GLCCI1: variants seen among roughly 807,000 people sequenced by gnomAD.
GLCCI1 encodes the protein glucocorticoid induced 1.
A neutral mutation model predicts 52.2 loss-of-function variants in GLCCI1; 24 were observed. The observed-to-expected ratio is 0.46, with a 90% confidence interval of 0.33 to 0.65. The LOEUF (loss-of-function observed/expected upper bound fraction) is 0.65. GLCCI1 is among the 30% of genes least tolerant of loss of function. The probability of loss-of-function intolerance (pLI) is 0.02; values close to 1 mark genes in which losing one functional copy is unlikely to be tolerated. For synonymous variants in GLCCI1, 310 were observed against 276.5 expected (o/e 1.12, Z -1.20); for missense variants, 704 against 701.5 (o/e 1.00, Z -0.04).
intron 1 of GLCCI1, among the ~76,000 whole-genome samples, chr7:7,996,846 C>T (rs1265317277): frequency 1.3e-5 from 2 of 152,146 alleles, no homozygotes; most frequent in Non-Finnish European, 2.9e-5. Context: ...TGGTAGGGTT[C>T]CAGGTTTGGT....
chr7:8,061,608 C>T (rs1366393469), intron 5 of GLCCI1, among the ~76,000 whole-genome samples: 1 of 147,018 alleles, frequency 6.8e-6, no homozygotes, highest in Non-Finnish European at 1.5e-5. Flanking sequence ...TATATTACAA[C>T]ATCAAGGAAC....
intron 1 of GLCCI1, among the ~76,000 whole-genome samples, chr7:8,000,620 A>T (rs1360180626): frequency 6.6e-6 from 1 of 152,216 alleles, no homozygotes; most frequent in Non-Finnish European, 1.5e-5. Flanking sequence ...ACACATAAAA[A>T]AATCTTTTAG....
intron 2 of GLCCI1, among the ~76,000 whole-genome samples, chr7:8,014,994 G>A (rs1044028030): frequency 3.9e-5 from 6 of 152,138 alleles, no homozygotes; most frequent in African/African-American, 1.2e-4. Context: ...TCAGTCTATG[G>A]AGTTTTATGA....
chr7:8,058,981 A>G (rs1357943480), intron 4 of GLCCI1, among the ~76,000 whole-genome samples: 3 of 152,240 alleles, frequency 2.0e-5, no homozygotes, highest in African/African-American at 7.2e-5. Context: ...AAGAAAAAAT[A>G]TGTTCAGTGT....
At chr7:8,057,793 G>T (rs1246956814) in intron 4 of GLCCI1, among the ~76,000 whole-genome samples, 1 of 151,896 alleles carries the variant, frequency 6.6e-6, no homozygotes, top group East Asian at 1.9e-4. Flanking sequence ...AGTCCAGTGC[G>T]CTTACACTAG....
At chr7:8,009,337 T>A (rs13223995) in intron 2 of GLCCI1, among the ~76,000 whole-genome samples, 1 of 151,992 alleles carries the variant, frequency 6.6e-6, no homozygotes, top group Non-Finnish European at 1.5e-5. Context: ...TGGACAAATT[T>A]TAAATTCTGT....
At chr7:8,004,680 T>C (rs1285600118) in intron 2 of GLCCI1, among the ~76,000 whole-genome samples, 3 of 152,144 alleles carry the variant, frequency 2.0e-5, no homozygotes, top group Admixed American at 1.3e-4. Flanking sequence ...AGAAGAATAC[T>C]AAAAATATAA....
chr7:8,082,737 C>T (rs1325038761), intron 6 of GLCCI1, among the ~76,000 whole-genome samples: 1 of 152,142 alleles, frequency 6.6e-6, no homozygotes, highest in Non-Finnish European at 1.5e-5. Context: ...GATGCACTTA[C>T]AGCCTCTGAA....
At chr7:7,972,987 C>T (rs1257430001) in intron 1 of GLCCI1, among the ~76,000 whole-genome samples, 8 of 151,826 alleles carry the variant, frequency 5.3e-5, no homozygotes, top group Non-Finnish European at 8.8e-5. Flanking sequence ...TTTAAAACTT[C>T]AAGGTTTGTT....
At chr7:8,021,443 A>G (rs1270908523) in intron 2 of GLCCI1, among the ~76,000 whole-genome samples, 5 of 151,882 alleles carry the variant, frequency 3.3e-5, no homozygotes. Flanking sequence ...ACAGAGTTTC[A>G]CTCTCGTCGC....
chr7:8,027,775 A>G (rs1478875302), intron 3 of GLCCI1, among the ~76,000 whole-genome samples: 4 of 152,236 alleles, frequency 2.6e-5, no homozygotes, highest in African/African-American at 4.8e-5. Context: ...AAAGGATGGA[A>G]AGATATTCCA....
Position 8,060,266 on chromosome 7 carries a change from A to G in GLCCI1, c.966+18A>G, listed in dbSNP as rs762604861. The stretch of plus-strand genomic sequence containing the variant: ...TATCCAAGGTAAGGTTACATGGGAT[A>G]TTTGAATCCTTTTTTTCTCTGATAT... On this transcript the variant is annotated intron_variant, in intron 5 of 7. Transcript: ENST00000223145. 8.8e-6 allele frequency: 14 copies of G among 1,590,522 alleles called. No homozygotes were observed. The highest frequency in any genetic ancestry group is 3.3e-4 in the Middle Eastern group (2 of 5,978).
chr7:8,045,905 C>T (rs1312799575), intron 3 of GLCCI1, among the ~76,000 whole-genome samples: 1 of 150,916 alleles, frequency 6.6e-6, no homozygotes, highest in South Asian at 2.1e-4. Context: ...TAAGAGATAT[C>T]GGACATATTA....
At chr7:8,041,739 C>T (rs1016308073) in intron 3 of GLCCI1, among the ~76,000 whole-genome samples, 4 of 152,082 alleles carry the variant, frequency 2.6e-5, no homozygotes, top group African/African-American at 7.2e-5. Context: ...TACAGGCATA[C>T]ACCACCACAC....
Position 8,086,240 on chromosome 7 carries a change from A to G in GLCCI1, c.1346A>G (p.Asn449Ser). 1 of 1,614,148 alleles carries G rather than the reference A, an allele frequency of 6.2e-7. No individual in the cohort carries two copies. The highest frequency in any genetic ancestry group is 8.5e-7 in the Non-Finnish European group (1 of 1,180,020). ...SAPLFSCPDK[N>S]KVNFIPTGSA... ...CCTCTCTTTTCATGTCCTGACAAAA[A>G]CAAGGTTAATTTCATCCCAACCGGA... Residue 449 changes from asparagine to serine, a missense_variant, in exon 8 of 8, where the codon AAC (asparagine) becomes AGC (serine). Physicochemically the swap from Asn to Ser is conservative, Grantham distance 46. Transcript: ENST00000223145. The surrounding 1 kb of genome is among the most constrained non-coding windows in gnomAD (Gnocchi z 4.4).
chr7:8,018,389 G>A (rs1306888043), intron 2 of GLCCI1, among the ~76,000 whole-genome samples: 1 of 152,052 alleles, frequency 6.6e-6, no homozygotes, highest in African/African-American at 2.4e-5. Flanking sequence ...AAGCATATTG[G>A]CCCTTTCTAG....
chr7:8,032,352 A>G (rs2127952000), intron 3 of GLCCI1, among the ~76,000 whole-genome samples: 1 of 152,194 alleles, frequency 6.6e-6, no homozygotes, highest in Non-Finnish European at 1.5e-5. Context: ...ATCTTAAGAA[A>G]CTGGAAAAAG....
At chr7:7,982,152 G>T in intron 1 of GLCCI1, 1 of 356,158 alleles carries the variant, frequency 2.8e-6, no homozygotes. Context: ...ACATCTTTAT[G>T]AAAGAGAAAG....
chr7:8,048,686 T>A (rs1364541977), intron 3 of GLCCI1, among the ~76,000 whole-genome samples: 5 of 152,208 alleles, frequency 3.3e-5, no homozygotes, highest in Admixed American at 3.3e-4. Context: ...AACCTGTTAC[T>A]CTTTCATAGA....
Sources: gnomAD v4.1 joint callset for allele counts (sites outside exome capture counted in the v4.1 genomes callset) on GRCh38, gnomAD v4.1.1 for gene constraint, Gnocchi (gnomAD v3.1) non-coding constraint, MANE v1.5 for transcripts, NCBI Gene and HGNC (gene_info 2026-07-23, HGNC 2026-07-21) for gene names.